RASGRF1: variants seen among roughly 807,000 people sequenced by gnomAD.
RASGRF1 encodes ras-specific guanine nucleotide-releasing factor 1.
In RASGRF1, 40 loss-of-function variants were observed where a neutral mutation model predicts 138.7. That is an observed-to-expected ratio of 0.29 (90% CI 0.22 to 0.38). The LOEUF (loss-of-function observed/expected upper bound fraction) is 0.38. RASGRF1 is among the 10% of genes least tolerant of loss of function. The probability of loss-of-function intolerance (pLI) is 1.00; values close to 1 mark genes in which losing one functional copy is unlikely to be tolerated. For missense variants in RASGRF1, 1,108 were observed against 1,650.4 expected (o/e 0.67, Z 5.69); for synonymous variants, 614 against 663.2 (o/e 0.93, Z 1.14).
chr15:79,078,945 C>T (rs570635193), intron 1 of RASGRF1, among the ~76,000 whole-genome samples: 12 of 152,350 alleles, frequency 7.9e-5, no homozygotes, highest in South Asian at 2.1e-4. Flanking sequence ...TGCCTGGCCT[C>T]GCTGGGAGTT....
chr15:78,993,822 A>C (rs571807492), intron 20 of RASGRF1, among the ~76,000 whole-genome samples: 68 of 152,256 alleles, frequency 4.5e-4, no homozygotes, highest in Non-Finnish European at 7.5e-4. Context: ...CATTCTGGCC[A>C]AGGTGGGGTG....
At chr15:78,999,371 A>G (rs79125187) in intron 17 of RASGRF1, among the ~76,000 whole-genome samples, 317 of 152,250 alleles carry the variant, frequency 2.1e-3, no homozygotes, top group Non-Finnish European at 3.7e-3. Context: ...CAGCTGGAAG[A>G]GGAGGGTGCA....
intron 5 of RASGRF1, among the ~76,000 whole-genome samples, chr15:79,040,531 C>T (rs573530482): frequency 6.6e-6 from 1 of 152,316 alleles, no homozygotes; most frequent in East Asian, 1.9e-4. Context: ...ACCATTCTGG[C>T]CTTCTGTTCC....
intron 1 of RASGRF1, among the ~76,000 whole-genome samples, chr15:79,067,929 AC>A (rs2141070706): frequency 6.6e-6 from 1 of 152,332 alleles, no homozygotes; most frequent in East Asian, 1.9e-4. Flanking sequence ...GGAAGATGCT[AC>A]AAAAAAGGGA....
At chr15:79,022,207 A>G (rs901685642) in intron 10 of RASGRF1, among the ~76,000 whole-genome samples, 4 of 152,188 alleles carry the variant, frequency 2.6e-5, no homozygotes, top group Non-Finnish European at 5.9e-5. Flanking sequence ...TGGGAGGCTG[A>G]GGCTGGTGGA....
chr15:79,015,961 G>C (rs1485348992), intron 12 of RASGRF1, among the ~76,000 whole-genome samples: 2 of 152,240 alleles, frequency 1.3e-5, no homozygotes, highest in Non-Finnish European at 2.9e-5. Flanking sequence ...GAGAAGGCAA[G>C]GCTGCTGGCG....
rs892255135 is a variant in RASGRF1, at chr15:79,006,586, G to C, written c.1827-152C>G. The C allele has an allele frequency of 1.8e-5, 17 of 934,574 alleles. No homozygotes were observed. In the African/African-American group the frequency reaches 2.7e-4, roughly 15 times the overall value. The allele number at this position is 934,574 out of a possible 1,614,324, so 57.9% of individuals were successfully genotyped here. ...GCTTGGGAAGGATGACACTGAAGGA[G>C]GGCTACAACTTCTTTTTCCCAATAT... On this transcript the variant is annotated intron_variant, in intron 13 of 26. Transcript: ENST00000558480. This position sits in a 1 kb window ranked among gnomAD's most constrained non-coding sequence, Gnocchi z 4.0.
intron 17 of RASGRF1, 84 bp from the exon 18 acceptor site, chr15:78,998,909 A>T: frequency 8.7e-7 from 1 of 1,150,442 alleles, no homozygotes; most frequent in Non-Finnish European, 1.3e-6. Context: ...TGCCTCTCGG[A>T]TCTGGCTGAG....
chr15:78,971,788 G>C (rs2100176356), intron 26 of RASGRF1, 78 bp downstream of exon 26: 83 of 1,316,972 alleles, frequency 6.3e-5, no homozygotes, highest in Non-Finnish European at 8.8e-5. Context: ...GGACGGGTAT[G>C]GAGGGGACAG....
intron 5 of RASGRF1, among the ~76,000 whole-genome samples, chr15:79,037,106 T>G (rs2057233225): frequency 6.6e-6 from 1 of 151,812 alleles, no homozygotes; most frequent in Admixed American, 6.6e-5. Flanking sequence ...CCCAAACGAG[T>G]TTGTTGAATG....
intron 10 of RASGRF1, among the ~76,000 whole-genome samples, chr15:79,022,465 C>A (rs991365439): frequency 6.8e-6 from 1 of 147,798 alleles, no homozygotes; most frequent in Non-Finnish European, 1.5e-5. Context: ...AACCCCCCCC[C>A]AAAAACCCCC....
At chr15:79,036,092 C>T (rs369509918) in intron 5 of RASGRF1, among the ~76,000 whole-genome samples, 8 of 152,252 alleles carry the variant, frequency 5.3e-5, no homozygotes, top group African/African-American at 1.9e-4. Flanking sequence ...GGCGTCTCCT[C>T]TCCCAGGACA....
At chr15:79,048,251 G>A (rs28377104) in intron 4 of RASGRF1, among the ~76,000 whole-genome samples, 131 of 152,266 alleles carry the variant, frequency 8.6e-4, no homozygotes, top group African/African-American at 2.9e-3. Context: ...GGTGCGTGAG[G>A]CTAGCTGGGG....
intron 1 of RASGRF1, among the ~76,000 whole-genome samples, chr15:79,070,936 G>A (rs1015903090): frequency 3.3e-5 from 5 of 152,148 alleles, no homozygotes; most frequent in Non-Finnish European, 4.4e-5. Flanking sequence ...TGCCCATCTC[G>A]TGGGTGACTG....
At position 79,027,392 on chromosome 15, in the gene RASGRF1, C is replaced by A. The variant is rs537330749; in HGVS notation, c.1381+349G>T. 3.6e-4 allele frequency among the ~76,000 whole-genome samples: 55 copies of A among 152,282 alleles called. No homozygotes were observed. Among genetic ancestry groups the A allele is most frequent in the Admixed American group, 9.8e-4 (15 of 15,306 alleles). On this transcript the variant is annotated intron_variant, in intron 9 of 26. Transcript: ENST00000558480. The surrounding 1 kb of genome is among the most constrained non-coding windows in gnomAD (Gnocchi z 4.8). Reference sequence around the variant, plus strand: ...TGAAAACGCTTCTGACTCACAGAGACAACTGTTAGCTCCTCATCCCCCGCC... The same window carrying A: ...TGAAAACGCTTCTGACTCACAGAGAAAACTGTTAGCTCCTCATCCCCCGCC...
intron 18 of RASGRF1, 37 bp from the exon 19 acceptor site, chr15:78,998,245 T>A: frequency 6.5e-7 from 1 of 1,539,070 alleles, no homozygotes; most frequent in Non-Finnish European, 9.0e-7. Context: ...CTGGTTACTG[T>A]TTTTGAGCTG....
chr15:78,995,243 T>C (rs1446640864), intron 20 of RASGRF1, among the ~76,000 whole-genome samples: 2 of 151,722 alleles, frequency 1.3e-5, no homozygotes, highest in Non-Finnish European at 2.9e-5. Context: ...TCTCACATCT[T>C]AATTTCAGAC....
intron 22 of RASGRF1, among the ~76,000 whole-genome samples, chr15:78,989,887 C>G (rs76595234): frequency 0.01 from 1,538 of 152,318 alleles, 30 homozygotes; most frequent in African/African-American, 0.034. Flanking sequence ...GAGTAACCCC[C>G]ACTTAGGAAT....
chr15:79,056,888 T>TTTGTTGA (rs1184581593), intron 3 of RASGRF1, among the ~76,000 whole-genome samples: 5 of 152,240 alleles, frequency 3.3e-5, no homozygotes, highest in Non-Finnish European at 5.9e-5. Context: ...TTGAAATTCT[T>TTTGTTGA]AAGATAGTTT....
Sources: gnomAD v4.1 joint callset for allele counts (sites outside exome capture counted in the v4.1 genomes callset) on GRCh38, gnomAD v4.1.1 for gene constraint, Gnocchi (gnomAD v3.1) non-coding constraint, MANE v1.5 for transcripts, NCBI Gene and HGNC (gene_info 2026-07-23, HGNC 2026-07-21) for gene names.